The following DNAH14 variants were observed in gnomAD, a reference collection of about 807,000 sequenced individuals.
DNAH14 encodes axonemal beta dynein heavy chain 14.
DNAH14 carries 478 observed loss-of-function variants against 520.9 expected under a neutral mutation model. The ratio of observed to expected loss-of-function variants is 0.92; its 90% CI spans 0.85 to 0.99. The LOEUF (loss-of-function observed/expected upper bound fraction) is 0.99, where lower values mean the gene tolerates loss of function less well. Ranked by LOEUF, DNAH14 falls within the 50% of genes least tolerant of loss-of-function variation. The probability of loss-of-function intolerance (pLI) is 0.00; values close to 1 mark genes in which losing one functional copy is unlikely to be tolerated. For missense variants in DNAH14, 4,831 were observed against 5,234.5 expected, an observed-to-expected ratio of 0.92 and a Z score of 2.38; for synonymous variants, 1,581 against 1,757.2, an observed-to-expected ratio of 0.90 and a Z score of 2.51.
chr1:225,285,883 A>G lies in DNAH14; in HGVS notation c.8272-4002A>G, dbSNP rs1223451996. ...AAAAAATAGAAATAAATGAAGAAAC[A>G]GTTACCTTGTTATGGCTGAATTTTA... On this transcript the variant is annotated intron_variant, in intron 54 of 85. Coordinates refer to ENST00000682510, the MANE Select transcript of DNAH14 (RefSeq NM_001367479.1). Among the ~76,000 whole-genome samples the G allele has an allele frequency of 3.9e-5, 6 of 152,298 alleles. No individual in the cohort carries two copies. In the South Asian group the frequency reaches 8.3e-4, roughly 21 times the overall value.
intron 82 of DNAH14, 45 bp from the exon 83 acceptor site, chr1:225,389,689 A>G (rs888612764): frequency 6.5e-6 from 10 of 1,543,824 alleles, no homozygotes; most frequent in African/African-American, 1.4e-5. Flanking sequence ...AAGGTGTGCA[A>G]TTATTATGCC....
chr1:225,076,413 A>G (rs1329314955), intron 17 of DNAH14, among the ~76,000 whole-genome samples: 3 of 152,140 alleles, frequency 2.0e-5, no homozygotes, highest in African/African-American at 7.2e-5. Flanking sequence ...TCTTATTTCT[A>G]TGCTACATGC....
At chr1:224,987,855 T>G (rs2062753782) in intron 8 of DNAH14, among the ~76,000 whole-genome samples, 1 of 152,186 alleles carries the variant, frequency 6.6e-6, no homozygotes, top group East Asian at 1.9e-4. Context: ...CTCGAACTCC[T>G]GACCTCATGA....
intron 46 of DNAH14, among the ~76,000 whole-genome samples, chr1:225,262,003 T>G (rs989374713): frequency 6.6e-5 from 10 of 152,094 alleles, no homozygotes; most frequent in Non-Finnish European, 1.5e-4. Flanking sequence ...AGTCGATTTT[T>G]TTTATATAAA....
At chr1:225,186,026 G>A (rs958464455) in intron 37 of DNAH14, among the ~76,000 whole-genome samples, 6 of 123,124 alleles carry the variant, frequency 4.9e-5, no homozygotes, top group African/African-American at 1.8e-4. Context: ...ACTGATTAAT[G>A]TAATAAACTA....
chr1:225,364,561 G>A (rs779716724), intron 75 of DNAH14, among the ~76,000 whole-genome samples: 1 of 151,636 alleles, frequency 6.6e-6, no homozygotes, highest in Non-Finnish European at 1.5e-5. Context: ...TTTTTGCAAT[G>A]AGTATATGAT....
chr1:225,047,149 C>T (rs1159406672), intron 15 of DNAH14, among the ~76,000 whole-genome samples: 2 of 152,306 alleles, frequency 1.3e-5, no homozygotes, highest in East Asian at 3.9e-4. Flanking sequence ...CATGCATACA[C>T]ACACAACTAT....
intron 41 of DNAH14, among the ~76,000 whole-genome samples, chr1:225,227,196 G>T (rs1181279136): frequency 6.6e-6 from 1 of 152,108 alleles, no homozygotes; most frequent in Admixed American, 6.5e-5. Flanking sequence ...GGGATGATCA[G>T]GTCTTTCCCT....
At chr1:224,945,998 CA>C (rs776863292) in intron 1 of DNAH14, among the ~76,000 whole-genome samples, 3 of 152,246 alleles carry the variant, frequency 2.0e-5, no homozygotes, top group African/African-American at 7.2e-5. Flanking sequence ...CTGGGAGAAC[CA>C]CTACTCTCTT....
intron 36 of DNAH14, among the ~76,000 whole-genome samples, chr1:225,178,055 C>T (rs960664958): frequency 3.9e-5 from 6 of 152,174 alleles, no homozygotes; most frequent in African/African-American, 1.2e-4. Context: ...CCAGCGGAAC[C>T]CACCTTTTGC....
chr1:225,152,727 C>A lies in DNAH14; in HGVS notation c.5040C>A (p.Asn1680Lys). The A allele has an allele frequency of 6.4e-7, 1 of 1,550,746 alleles. No individual in the cohort carries two copies. Among genetic ancestry groups the A allele is most frequent in the Non-Finnish European group, 8.7e-7 (1 of 1,146,606 alleles). The change falls in exon 33 of 86, where the codon AAC becomes AAA. Residue 1680 changes from asparagine (N) to lysine (K), a missense_variant. Physicochemically the swap from Asn to Lys is moderately conservative, Grantham distance 94 (BLOSUM62 0). Coordinates refer to ENST00000682510, the MANE Select transcript of DNAH14 (RefSeq NM_001367479.1). ...RYGGGVELPD[N>K]LKSLFRPVAM... ...GAGGTGGAGTAGAGCTCCCAGATAA[C>A]TTAAAATCTCTGTTTCGCCCAGTGG...
intron 6 of DNAH14, chr1:224,967,949 G>C: frequency 8.6e-7 from 1 of 1,165,168 alleles, no homozygotes; most frequent in Non-Finnish European, 1.1e-6. Context: ...TTTATTGCCA[G>C]ATGTAGAAAT....
At chr1:225,321,663 C>G (rs1212964798) in intron 61 of DNAH14, among the ~76,000 whole-genome samples, 6 of 152,158 alleles carry the variant, frequency 3.9e-5, no homozygotes, top group Non-Finnish European at 8.8e-5. Context: ...TTGAAACTTG[C>G]TTCTTATAAA....
At chr1:224,996,091 T>G (rs1448452998) in intron 8 of DNAH14, among the ~76,000 whole-genome samples, 5 of 152,132 alleles carry the variant, frequency 3.3e-5, no homozygotes, top group African/African-American at 1.2e-4. Flanking sequence ...GTGTCATGAT[T>G]TCCTGAGTCT....
At chr1:225,047,718 A>T (rs1185566180) in intron 15 of DNAH14, among the ~76,000 whole-genome samples, 1 of 152,226 alleles carries the variant, frequency 6.6e-6, no homozygotes, top group Non-Finnish European at 1.5e-5. Context: ...AAATGTATCA[A>T]CTAAAATACA....
intron 41 of DNAH14, among the ~76,000 whole-genome samples, chr1:225,211,691 T>C (rs1395521739): frequency 1.3e-5 from 2 of 151,754 alleles, no homozygotes; most frequent in African/African-American, 4.8e-5. Context: ...AGACACATAA[T>C]TGTCAGATTC....
At chr1:225,321,836 G>A (rs1017495358) in intron 61 of DNAH14, among the ~76,000 whole-genome samples, 16 of 152,044 alleles carry the variant, frequency 1.1e-4, no homozygotes, top group African/African-American at 3.9e-4. Context: ...TTCCTCCCCT[G>A]ACTCTGTTTT....
chr1:225,331,722 C>T, intron 65 of DNAH14, 145 bp downstream of exon 65: 2 of 1,125,052 alleles, frequency 1.8e-6, no homozygotes, highest in Non-Finnish European at 2.5e-6. Flanking sequence ...AGTAGACATC[C>T]TATTCACATA....
At chr1:225,115,562 A>C (rs966144927) in intron 23 of DNAH14, among the ~76,000 whole-genome samples, 1 of 152,148 alleles carries the variant, frequency 6.6e-6, no homozygotes, top group Non-Finnish European at 1.5e-5. Context: ...GCCCTCCAAA[A>C]CAACTATAGG....
Sources: allele counts gnomAD v4.1 joint callset (sites outside exome capture counted in the v4.1 genomes callset), GRCh38; gene constraint gnomAD v4.1.1; transcripts MANE v1.5; gene names NCBI Gene and HGNC (gene_info 2026-07-23, HGNC 2026-07-21).